The following CREB5 variants were observed in gnomAD, a reference collection of about 807,000 sequenced individuals.
The protein encoded by CREB5 is cyclic AMP-responsive element-binding protein 5.
In CREB5, 19 loss-of-function variants were observed where a neutral mutation model predicts 57.1. The ratio of observed to expected loss-of-function variants is 0.33; its 90% CI spans 0.23 to 0.49. The LOEUF (loss-of-function observed/expected upper bound fraction) is 0.49. CREB5 is among the 20% of genes least tolerant of loss of function. The pLI is 0.99. For missense variants in CREB5, 579 were observed against 671.6 expected, an observed-to-expected ratio of 0.86 and a Z score of 1.52; for synonymous variants, 238 against 238.3, an observed-to-expected ratio of 1.00 and a Z score of 0.01.
intron 1 of CREB5, among the ~76,000 whole-genome samples, chr7:28,406,207 G>A (rs143561815): frequency 6.6e-6 from 1 of 152,204 alleles, no homozygotes; most frequent in Non-Finnish European, 1.5e-5. Flanking sequence ...GCCTGATTAA[G>A]CACTAGTAAG....
At chr7:28,486,129 C>T (rs4722803) in intron 1 of CREB5, among the ~76,000 whole-genome samples, 36,580 of 151,916 alleles carry the variant, frequency 0.24, 5,163 homozygotes, top group African/African-American at 0.4. Flanking sequence ...TCTGTGAAAG[C>T]TGGATAATTG....
At chr7:28,745,389 GC>G (rs1191596930) in intron 7 of CREB5, among the ~76,000 whole-genome samples, 1 of 152,166 alleles carries the variant, frequency 6.6e-6, no homozygotes, top group East Asian at 1.9e-4. Context: ...TGTCATGCTT[GC>G]TTTTATTTGG....
chr7:28,734,338 A>G (rs1031574514), intron 7 of CREB5, among the ~76,000 whole-genome samples: 5 of 151,958 alleles, frequency 3.3e-5, no homozygotes, highest in African/African-American at 1.2e-4. Context: ...GGAATGTGTT[A>G]AAATGAAAAT....
At chr7:28,377,537 T>G (rs991736111) in intron 1 of CREB5, among the ~76,000 whole-genome samples, 1 of 151,998 alleles carries the variant, frequency 6.6e-6, no homozygotes, top group Non-Finnish European at 1.5e-5. Flanking sequence ...AATGCAGCCT[T>G]CAGATTTTTG....
At chr7:28,390,874 T>C (rs1463853704) in intron 1 of CREB5, among the ~76,000 whole-genome samples, 4 of 152,188 alleles carry the variant, frequency 2.6e-5, no homozygotes, top group Non-Finnish European at 5.9e-5. Flanking sequence ...CAAGTCAAGT[T>C]TATGATTCGA....
At chr7:28,769,391 GC>G (rs1247590718) in intron 7 of CREB5, among the ~76,000 whole-genome samples, 1 of 152,110 alleles carries the variant, frequency 6.6e-6, no homozygotes, top group Non-Finnish European at 1.5e-5. Context: ...TGAGAGATAT[GC>G]TAATTATCCT....
intron 5 of CREB5, among the ~76,000 whole-genome samples, chr7:28,620,351 G>C (rs2128684940): frequency 6.6e-6 from 1 of 152,194 alleles, no homozygotes; most frequent in Non-Finnish European, 1.5e-5. Flanking sequence ...TTGGAAGAGG[G>C]GGGTGCCACT....
chr7:28,480,969 A>C (rs1442656360), intron 1 of CREB5, among the ~76,000 whole-genome samples: 7 of 152,226 alleles, frequency 4.6e-5, no homozygotes, highest in African/African-American at 1.7e-4. Context: ...AACATATGGA[A>C]AATTTAAAAA....
rs147157570 is a variant in CREB5, at chr7:28,368,282, G to A, written c.-25+68841G>A. Among the ~76,000 whole-genome samples the A allele has an allele frequency of 8.2e-3, 1,241 of 152,144 alleles. 8 individuals carry two copies. Among genetic ancestry groups the A allele is most frequent in the Non-Finnish European group, 0.012 (839 of 68,004 alleles). On this transcript the variant is annotated intron_variant, in intron 1 of 9. Coordinates refer to the CREB5 transcript ENST00000396299. Reference sequence around the variant, plus strand: ...ATGAAAATTACCTACTGAGTACAATGTACAGTATTCGGGTGACAAGTACAT... The same window carrying A: ...ATGAAAATTACCTACTGAGTACAATATACAGTATTCGGGTGACAAGTACAT...
chr7:28,400,402 T>C (rs1219007766), intron 1 of CREB5, among the ~76,000 whole-genome samples: 2 of 152,200 alleles, frequency 1.3e-5, no homozygotes, highest in African/African-American at 4.8e-5. Flanking sequence ...AATAATAGTG[T>C]TCTTTCCTTC....
intron 4 of CREB5, among the ~76,000 whole-genome samples, chr7:28,524,412 G>A (rs1434143378): frequency 7.2e-5 from 11 of 151,876 alleles, no homozygotes; most frequent in Admixed American, 7.2e-4. Flanking sequence ...GGCTGAGGCA[G>A]GAGAATTGCT....
intron 4 of CREB5, among the ~76,000 whole-genome samples, chr7:28,548,747 G>GT (rs965345300): frequency 1.3e-5 from 2 of 152,078 alleles, no homozygotes; most frequent in South Asian, 2.1e-4. Flanking sequence ...CCCGAATTAT[G>GT]TTTTTTTCTA....
intron 5 of CREB5, among the ~76,000 whole-genome samples, chr7:28,599,566 C>T (rs1394339945): frequency 6.6e-6 from 1 of 152,134 alleles, no homozygotes; most frequent in African/African-American, 2.4e-5. Flanking sequence ...AAGACAGATG[C>T]CCCATTTCAC....
chr7:28,633,844 G>A (rs575448551), intron 5 of CREB5, among the ~76,000 whole-genome samples: 1 of 152,158 alleles, frequency 6.6e-6, no homozygotes, highest in Non-Finnish European at 1.5e-5. Flanking sequence ...AAAGGATAAT[G>A]ATCTAGCCTG....
intron 5 of CREB5, among the ~76,000 whole-genome samples, chr7:28,630,871 A>G (rs192119327): frequency 6.6e-6 from 1 of 152,170 alleles, no homozygotes; most frequent in African/African-American, 2.4e-5. Context: ...TTTATTGACT[A>G]CCTCCCTTGT....
intron 5 of CREB5, among the ~76,000 whole-genome samples, chr7:28,571,264 A>G (rs1490089340): frequency 6.6e-6 from 1 of 152,098 alleles, no homozygotes; most frequent in Non-Finnish European, 1.5e-5. Flanking sequence ...ATATTTTTGG[A>G]CCACGATTAA....
chr7:28,798,800 G>T (rs533941395), intron 7 of CREB5, among the ~76,000 whole-genome samples: 1 of 152,274 alleles, frequency 6.6e-6, no homozygotes, highest in Non-Finnish European at 1.5e-5. Context: ...AGTCATGTCA[G>T]TAATAGCCCT....
chr7:28,303,294 C>G (rs755237559), intron 1 of CREB5, among the ~76,000 whole-genome samples: 1 of 152,086 alleles, frequency 6.6e-6, no homozygotes, highest in Non-Finnish European at 1.5e-5. Flanking sequence ...ATTTTTGAGG[C>G]CAGTTGAAAA....
At chr7:28,359,224 TA>T (rs70977038) in intron 1 of CREB5, among the ~76,000 whole-genome samples, 1,673 of 136,544 alleles carry the variant, frequency 0.012, 26 homozygotes, top group African/African-American at 0.04. Context: ...ACAAAACAAA[TA>T]AAAAAAAAAA....
Sources: gnomAD v4.1 joint callset for allele counts (sites outside exome capture counted in the v4.1 genomes callset) on GRCh38, gnomAD v4.1.1 for gene constraint, MANE v1.5 for transcripts, NCBI Gene and HGNC (gene_info 2026-07-23, HGNC 2026-07-21) for gene names.